NQO1: variants seen among roughly 807,000 people sequenced by gnomAD.
The protein encoded by NQO1 is NAD(P)H dehydrogenase [quinone] 1.
NQO1 carries 30 observed loss-of-function variants against 32.1 expected under a neutral mutation model. That is an observed-to-expected ratio of 0.94 (90% CI 0.70 to 1.27). The LOEUF is 1.27. Among genes scored for constraint, NQO1 ranks in the 50% most tolerant of loss-of-function variants. The pLI is 0.00. For missense variants in NQO1, 276 were observed against 331.3 expected, an observed-to-expected ratio of 0.83 and a Z score of 1.30; for synonymous variants, 109 against 119.7, an observed-to-expected ratio of 0.91 and a Z score of 0.59.
intron 3 of NQO1, among the ~76,000 whole-genome samples, chr16:69,717,427 A>G (rs1482151225): frequency 2.0e-5 from 3 of 152,168 alleles, no homozygotes. Flanking sequence ...TGGGATTCTT[A>G]TGGAGAAAGG....
rs1171920525 is a variant in NQO1, at chr16:69,718,480, G to A, written c.62C>T (p.Ala21Val). ...AHSERTSFNY[A>V]MKEAAAAALK... The stretch of plus-strand genomic sequence containing the variant: ...AGCCGCTGCAGCAGCCTCCTTCATG[G>A]CATAGTTGAAGGACGTCCTCTCTGA... Residue 21 changes from alanine to valine, a missense_variant, in exon 2 of 6, where the codon GCC becomes GTC. Physicochemically the swap from Ala to Val is moderately conservative, Grantham distance 64. Transcript: ENST00000320623. The A allele has an allele frequency of 6.2e-7, 1 of 1,614,076 alleles. No homozygotes were observed. Among genetic ancestry groups the A allele is most frequent in the Admixed American group, 1.7e-5 (1 of 59,994 alleles).
intron 4 of NQO1, among the ~76,000 whole-genome samples, chr16:69,713,424 G>GAGTTCT (rs1451151639): frequency 6.6e-6 from 1 of 152,158 alleles, no homozygotes; most frequent in East Asian, 1.9e-4. Flanking sequence ...TGCCTAGGTG[G>GAGTTCT]AGTTATTGGT....
chr16:69,720,242 C>CA (rs2038171610), intron 1 of NQO1, among the ~76,000 whole-genome samples: 1 of 151,912 alleles, frequency 6.6e-6, no homozygotes, highest in South Asian at 2.1e-4. Context: ...GCCTGGGTGA[C>CA]AGAGGGAGAC....
At chr16:69,720,102 T>A (rs2038169358) in intron 1 of NQO1, among the ~76,000 whole-genome samples, 1 of 151,900 alleles carries the variant, frequency 6.6e-6, no homozygotes, top group Admixed American at 6.6e-5. Flanking sequence ...CTACAAAACG[T>A]ACAAAAATTA....
intron 4 of NQO1, 81 bp from the exon 5 acceptor site, chr16:69,713,210 G>T: frequency 9.7e-7 from 1 of 1,027,046 alleles, no homozygotes; most frequent in Non-Finnish European, 1.5e-6. Flanking sequence ...CAGCTCCAGG[G>T]AAAAGAACAC....
chr16:69,718,907 C>A (rs574409091), intron 1 of NQO1, among the ~76,000 whole-genome samples: 93 of 151,978 alleles, frequency 6.1e-4, no homozygotes, highest in South Asian at 1.5e-3. Context: ...TGGTGGCAGG[C>A]ACCTGTAATC....
chr16:69,712,483 C>A (rs887987233), intron 5 of NQO1, among the ~76,000 whole-genome samples: 2 of 152,214 alleles, frequency 1.3e-5, no homozygotes, highest in Non-Finnish European at 2.9e-5. Context: ...AGTAGTGATT[C>A]ACACTAGTCC....
chr16:69,722,983 A>AG (rs1049037427), intron 1 of NQO1, among the ~76,000 whole-genome samples: 11 of 152,324 alleles, frequency 7.2e-5, no homozygotes, highest in African/African-American at 2.6e-4. Context: ...GCTGGAGTGC[A>AG]GTGGCGCGAT....
intron 1 of NQO1, among the ~76,000 whole-genome samples, chr16:69,724,186 G>A (rs1046992048): frequency 3.3e-5 from 5 of 152,002 alleles, no homozygotes; most frequent in South Asian, 2.1e-4. Context: ...GGTGGTGGGC[G>A]CCTGTAATCC....
At chr16:69,722,022 C>T (rs1482767746) in intron 1 of NQO1, among the ~76,000 whole-genome samples, 3 of 151,864 alleles carry the variant, frequency 2.0e-5, no homozygotes, top group Non-Finnish European at 4.4e-5. Flanking sequence ...CAAACAACAG[C>T]GTACAAGGGC....
At chr16:69,714,753 C>T (rs953300655) in intron 4 of NQO1, among the ~76,000 whole-genome samples, 7 of 151,830 alleles carry the variant, frequency 4.6e-5, no homozygotes, top group African/African-American at 1.7e-4. Context: ...GTGGCATATG[C>T]CTGTAATCCC....
At chr16:69,714,037 G>A (rs552317194) in intron 4 of NQO1, among the ~76,000 whole-genome samples, 25 of 151,914 alleles carry the variant, frequency 1.6e-4, no homozygotes, top group African/African-American at 3.1e-4. Flanking sequence ...CACCGCACCC[G>A]GCTAAGTTTT....
chr16:69,713,144 G>A lies in NQO1; in HGVS notation c.418-15C>T. The A allele has an allele frequency of 6.2e-7, 1 of 1,601,348 alleles. No homozygotes were observed. Among genetic ancestry groups the A allele is most frequent in the Non-Finnish European group, 8.6e-7 (1 of 1,169,510 alleles). ...GCCTTCTTACTCTGCAAAAGAAAAA[G>A]CAATAACAAACTTCACTTCCCTCCA... On this transcript the variant is annotated splice_polypyrimidine_tract_variant and intron_variant, in intron 4 of 5. Transcript: ENST00000320623.
intron 3 of NQO1, among the ~76,000 whole-genome samples, chr16:69,716,638 A>T (rs1333516044): frequency 6.6e-6 from 1 of 152,184 alleles, no homozygotes; most frequent in Non-Finnish European, 1.5e-5. Context: ...GGACTATACC[A>T]GGAGGTTTTC....
chr16:69,714,563 C>T (rs1204693483), intron 4 of NQO1, among the ~76,000 whole-genome samples: 1 of 151,854 alleles, frequency 6.6e-6, no homozygotes, highest in African/African-American at 2.4e-5. Flanking sequence ...GGAGCCTAGG[C>T]TTAGGATCTA....
intron 5 of NQO1, 26 bp from the exon 6 acceptor site, chr16:69,711,307 G>A (rs2038038059): frequency 6.3e-7 from 1 of 1,584,994 alleles, no homozygotes; most frequent in Admixed American, 1.7e-5. Context: ...GCACAGAGAG[G>A]TAAGTCAACC....
chr16:69,714,808 G>A (rs1253356229), intron 4 of NQO1, among the ~76,000 whole-genome samples, 156 bp downstream of exon 4: 3 of 152,044 alleles, frequency 2.0e-5, no homozygotes, highest in African/African-American at 7.2e-5. Context: ...GAACTCAGGA[G>A]GTGGAGGTTG....
chr16:69,722,921 A>G (rs1291027119), intron 1 of NQO1, among the ~76,000 whole-genome samples: 1 of 151,948 alleles, frequency 6.6e-6, no homozygotes, highest in Admixed American at 6.6e-5. Context: ...CGCCGCTCTG[A>G]CAGTTTTTGT....
intron 3 of NQO1, 85 bp from the exon 4 acceptor site, chr16:69,715,162 G>T: frequency 1.1e-6 from 1 of 923,024 alleles, no homozygotes; most frequent in Non-Finnish European, 1.8e-6. Flanking sequence ...CGCTCCCCAT[G>T]ATGGCACTGT....
Sources: gnomAD v4.1 joint callset for allele counts (sites outside exome capture counted in the v4.1 genomes callset) on GRCh38, gnomAD v4.1.1 for gene constraint, MANE v1.5 for transcripts, NCBI Gene and HGNC (gene_info 2026-07-23, HGNC 2026-07-21) for gene names.